Variants in NSUN7 observed in about 807,000 individuals in gnomAD.
NSUN7 encodes NOP2/Sun RNA methyltransferase family member 7.
Under a neutral mutation model 58.5 loss-of-function variants are expected in NSUN7, and 39 were observed. The observed-to-expected ratio is 0.67, with a 90% CI of 0.52 to 0.87. The LOEUF is 0.87. NSUN7 is among the 40% of genes least tolerant of loss of function. The pLI is 0.00. For synonymous variants in NSUN7, 278 were observed against 303.7 expected, an observed-to-expected ratio of 0.92 and a Z score of 0.88; for missense variants, 765 against 844.1, an observed-to-expected ratio of 0.91 and a Z score of 1.16.
intron 10 of NSUN7, among the ~76,000 whole-genome samples, chr4:40,799,977 A>T (rs1170734002): frequency 1.3e-5 from 2 of 152,238 alleles, no homozygotes; most frequent in Non-Finnish European, 1.5e-5. Context: ...GCCTTTTTCC[A>T]AATGGCATCC....
rs567862022 is a variant in NSUN7, at chr4:40,790,634, A to G, written c.1069A>G (p.Ile357Val). The G allele has an allele frequency of 4.4e-6, 7 of 1,582,244 alleles. No individual in the cohort carries two copies. The African/African-American group carries it at 9.4e-5, about 21-fold the overall frequency. Residue 357 changes from isoleucine to valine, a missense_variant, in exon 8 of 12, where the codon ATT becomes GTT. By Grantham distance (29) the Ile-to-Val change is conservative. Coordinates refer to ENST00000381782, the MANE Select transcript of NSUN7 (RefSeq NM_024677.6). ...IEILHEKFIN[I>V]ESKDHRLQKV... ...AATACTTCATGAGAAATTTATTAAC[A>G]TTGAATCAAAGGATCACAGGTTACA...
At chr4:40,752,839 T>TAACTTC (rs1740907060) in intron 2 of NSUN7, among the ~76,000 whole-genome samples, 1 of 7,676 alleles carries the variant, frequency 1.3e-4, no homozygotes. Flanking sequence ...TGTTTTTTGT[T>TAACTTC]TCTTTGTTTT....
chr4:40,762,303 T>G, intron 4 of NSUN7, among the ~76,000 whole-genome samples: 1 of 152,214 alleles, frequency 6.6e-6, no homozygotes, highest in Non-Finnish European at 1.5e-5. Flanking sequence ...TTGTTGAACT[T>G]TAATAGAAAG....
intron 4 of NSUN7, among the ~76,000 whole-genome samples, chr4:40,764,610 G>A (rs944177830): frequency 2.6e-5 from 4 of 152,132 alleles, no homozygotes; most frequent in Middle Eastern, 3.2e-3. Context: ...CGGGATAGCT[G>A]GGTCAAATGG....
At chr4:40,806,930 GTTC>G (rs1200337344) in intron 10 of NSUN7, 128 bp from the exon 11 acceptor site, 4 of 881,106 alleles carry the variant, frequency 4.5e-6, no homozygotes, top group South Asian at 1.7e-5. Context: ...TCAGAATTGT[GTTC>G]TTGATTGGAA....
intron 11 of NSUN7, among the ~76,000 whole-genome samples, chr4:40,807,802 G>A: frequency 6.6e-6 from 1 of 152,060 alleles, no homozygotes; most frequent in East Asian, 1.9e-4. Context: ...AGCACTTTGG[G>A]AGGCTGACGT....
chr4:40,770,774 T>C (rs1741960766), intron 4 of NSUN7, among the ~76,000 whole-genome samples: 1 of 152,112 alleles, frequency 6.6e-6, no homozygotes, highest in South Asian at 2.1e-4. Flanking sequence ...CTGAGGTGGC[T>C]GGGCACGGTG....
chr4:40,764,183 C>T (rs559987898), intron 4 of NSUN7, among the ~76,000 whole-genome samples: 36 of 149,014 alleles, frequency 2.4e-4, no homozygotes, highest in Non-Finnish European at 4.2e-4. Flanking sequence ...CCCATTAACT[C>T]GTCATTTAGC....
chr4:40,764,951 T>G (rs1741644030), intron 4 of NSUN7, among the ~76,000 whole-genome samples: 1 of 151,002 alleles, frequency 6.6e-6, no homozygotes, highest in Non-Finnish European at 1.5e-5. Context: ...TGTAAATTTG[T>G]TTGAGTTCAT....
chr4:40,807,159 G>A lies in NSUN7; in HGVS notation c.1499G>A (p.Cys500Tyr), dbSNP rs763701867. Residue 500 changes from cysteine (C) to tyrosine (Y), a missense_variant, in exon 11 of 12, where the codon TGT (cysteine) becomes TAT (tyrosine). Transcript: ENST00000381782. The stretch of plus-strand genomic sequence containing the variant: ...GAACCATCTGAAATTACCAATGGTT[G>A]TTTTCTTTCTATTTTAACAAGGGAG... ...RMEPSEITNG[C>Y]FLSILTRERD... 7.8e-6 allele frequency: 12 copies of A among 1,547,708 alleles called. No homozygotes were observed. The highest frequency in any genetic ancestry group is 1.2e-5 in the South Asian group (1 of 83,518).
At position 40,810,083 on chromosome 4, in the gene NSUN7, A is replaced by G. The variant is rs1251610773; in HGVS notation, c.*1144A>G. 6.6e-6 allele frequency: 1 copy of G among 152,262 alleles called. No individual in the cohort carries two copies. The highest frequency in any genetic ancestry group is 1.5e-5 in the Non-Finnish European group (1 of 68,040). 9.4% of individuals were successfully genotyped at this position (152,262 alleles called of 1,614,324 possible). On this transcript the variant is annotated 3_prime_UTR_variant, in exon 12 of 12. Coordinates refer to ENST00000381782, the MANE Select transcript of NSUN7 (RefSeq NM_024677.6). ...ATTCAGTTGTATAGAAATGTTACAT[A>G]AATTCCTAAATGCTCAATTCAGGTG...
In NSUN7 at chr4:40,776,079, G is replaced by A. The variant is rs776016399; in HGVS notation, c.856G>A (p.Val286Ile). Reference sequence around the variant, plus strand: ...ATCTCGAAGTCTTGCTGTCCATTCTGTAAAGGCTTTATTAAATATGGATGA... The same window carrying A: ...ATCTCGAAGTCTTGCTGTCCATTCTATAAAGGCTTTATTAAATATGGATGA... ...DKSRSLAVHS[V>I]KALLNMDDDV... The change falls in exon 7 of 12, where the codon GTA becomes ATA. Residue 286 changes from valine to isoleucine, a missense_variant. Transcript: ENST00000381782. 1.2e-6 allele frequency: 2 copies of A among 1,608,390 alleles called. No homozygotes were observed. Among genetic ancestry groups the A allele is most frequent in the East Asian group, 2.2e-5 (1 of 44,724 alleles).
At chr4:40,779,420 G>GTCTTTACTAAAAAATACAAAACATC (rs1742420237) in intron 7 of NSUN7, among the ~76,000 whole-genome samples, 1 of 152,098 alleles carries the variant, frequency 6.6e-6, no homozygotes, top group Admixed American at 6.6e-5. Flanking sequence ...TGGCTAACAC[G>GTCTTTACTAAAAAATACAAAACATC]GTGAAACAGC....
In NSUN7 at chr4:40,794,214, AT is replaced by A. The variant is rs545638857; in HGVS notation, c.1181-156del. 1.1e-4 allele frequency among the ~76,000 whole-genome samples: 17 copies of A among 152,294 alleles called. No individual in the cohort carries two copies. In the South Asian group the frequency reaches 3.5e-3, roughly 32 times the overall value. ...AAACAGAATTAACTTTATTGTTCTA[AT>A]TTTTAAGTCAACATTTTAATATCTA... is the stretch of plus-strand genomic sequence containing the variant. On this transcript the variant is annotated intron_variant, in intron 8 of 11. Transcript: ENST00000381782.
At chr4:40,780,803 ATATATATATATTT>A (rs1742511922) in intron 7 of NSUN7, among the ~76,000 whole-genome samples, 1 of 105,830 alleles carries the variant, frequency 9.4e-6, no homozygotes, top group Non-Finnish European at 1.9e-5. Flanking sequence ...ATATATATAT[ATATATATATATTT>A]TTTTTTTTTT....
At chr4:40,773,874 C>T (rs1282897817) in intron 4 of NSUN7, among the ~76,000 whole-genome samples, 1 of 152,092 alleles carries the variant, frequency 6.6e-6, no homozygotes, top group Non-Finnish European at 1.5e-5. Context: ...TCTCGGTTCA[C>T]TGCAACCTCC....
chr4:40,752,213 CA>C (rs1350288402), intron 2 of NSUN7, among the ~76,000 whole-genome samples: 1 of 152,182 alleles, frequency 6.6e-6, no homozygotes, highest in Non-Finnish European at 1.5e-5. Context: ...TCAAAAAGGG[CA>C]ACACTCTTTT....
rs1380895576 is a variant in NSUN7, at chr4:40,808,289, A to G, written c.1525-18A>G. On this transcript the variant is annotated intron_variant, in intron 11 of 11. Coordinates refer to ENST00000381782, the MANE Select transcript of NSUN7 (RefSeq NM_024677.6). ...AATAGCTAACTCCCACATTTAGTAAATGCTTCTTTAATTGCAGCGGGACCC... is the reference window on the plus strand; with the variant it reads ...AATAGCTAACTCCCACATTTAGTAAGTGCTTCTTTAATTGCAGCGGGACCC... 1 of 1,582,084 alleles carries G rather than the reference A, an allele frequency of 6.3e-7. No individual in the cohort carries two copies. Among genetic ancestry groups the G allele is most frequent in the South Asian group, 1.2e-5 (1 of 86,024 alleles).
chr4:40,782,559 AAAAG>A (rs1351026373), intron 7 of NSUN7, among the ~76,000 whole-genome samples: 11 of 151,752 alleles, frequency 7.2e-5, no homozygotes, highest in South Asian at 2.1e-4. Flanking sequence ...AAAAAAAAAA[AAAAG>A]AAAAAAAGAA....
Sources: gnomAD v4.1 joint callset for allele counts (sites outside exome capture counted in the v4.1 genomes callset) on GRCh38, gnomAD v4.1.1 for gene constraint, MANE v1.5 for transcripts, NCBI Gene and HGNC (gene_info 2026-07-23, HGNC 2026-07-21) for gene names.